SUGCT: variants seen among roughly 807,000 people sequenced by gnomAD.
SUGCT encodes the protein succinyl-CoA:glutarate-CoA transferase.
A neutral mutation model predicts 55.0 loss-of-function variants in SUGCT; 41 were observed. That is an observed-to-expected ratio of 0.74 (90% CI 0.58 to 0.97). The LOEUF is 0.97. SUGCT is among the 50% of genes least tolerant of loss of function. The probability of loss-of-function intolerance (pLI) is 0.00; values close to 1 mark genes in which losing one functional copy is unlikely to be tolerated. For synonymous variants in SUGCT, 187 were observed against 200.4 expected, an observed-to-expected ratio of 0.93 and a Z score of 0.56; for missense variants, 568 against 547.8, an observed-to-expected ratio of 1.04 and a Z score of -0.37.
chr7:40,534,293 ATTGATAGTGTTCAG>A (rs1794242581), intron 12 of SUGCT, among the ~76,000 whole-genome samples: 1 of 152,170 alleles, frequency 6.6e-6, no homozygotes, highest in South Asian at 2.1e-4. Context: ...CATTGATCTT[ATTGATAGTGTTCAG>A]TAAGAATTTG....
At chr7:40,142,938 T>G (rs1463888406) in intron 1 of SUGCT, among the ~76,000 whole-genome samples, 1 of 152,240 alleles carries the variant, frequency 6.6e-6, no homozygotes, top group Non-Finnish European at 1.5e-5. Flanking sequence ...AATCTACATT[T>G]TTATTAATTG....
At chr7:40,699,572 T>C (rs1440102187) in intron 12 of SUGCT, among the ~76,000 whole-genome samples, 1 of 152,140 alleles carries the variant, frequency 6.6e-6, no homozygotes, top group East Asian at 1.9e-4. Flanking sequence ...ATAAAGGGTG[T>C]TTAAATGCTG....
intron 9 of SUGCT, among the ~76,000 whole-genome samples, chr7:40,387,229 A>G (rs1785171922): frequency 6.6e-6 from 1 of 152,172 alleles, no homozygotes; most frequent in Non-Finnish European, 1.5e-5. Context: ...TTTGTAACTT[A>G]CCTTGCACCC....
intron 12 of SUGCT, among the ~76,000 whole-genome samples, chr7:40,703,715 C>T (rs1785269656): frequency 6.6e-6 from 1 of 152,184 alleles, no homozygotes; most frequent in African/African-American, 2.4e-5. Context: ...GGCATATATA[C>T]AAGACCTTCT....
At chr7:40,650,136 A>T (rs1800705525) in intron 12 of SUGCT, among the ~76,000 whole-genome samples, 1 of 152,188 alleles carries the variant, frequency 6.6e-6, no homozygotes, top group Non-Finnish European at 1.5e-5. Context: ...TCTTGGATGG[A>T]GGCCTCTCTC....
intron 9 of SUGCT, among the ~76,000 whole-genome samples, chr7:40,411,663 A>G (rs1786700501): frequency 1.3e-5 from 2 of 152,168 alleles, no homozygotes; most frequent in African/African-American, 2.4e-5. Context: ...AATGGGTACA[A>G]CTATACAGTT....
At chr7:40,737,747 G>GA (rs897022407) in intron 12 of SUGCT, among the ~76,000 whole-genome samples, 6 of 151,826 alleles carry the variant, frequency 4.0e-5, no homozygotes, top group African/African-American at 1.5e-4. Context: ...ACTTCTGGAG[G>GA]AAAAAAAATT....
chr7:40,952,715 C>T, the SUGCT span, among the ~76,000 whole-genome samples: 1 of 152,122 alleles, frequency 6.6e-6, no homozygotes, highest in African/African-American at 2.4e-5. Context: ...ACTTATGAAG[C>T]TTAGTTTGGC....
At chr7:40,910,383 A>G in the SUGCT span, among the ~76,000 whole-genome samples, 1 of 152,186 alleles carries the variant, frequency 6.6e-6, no homozygotes, top group Non-Finnish European at 1.5e-5. Context: ...GGTACTTGCT[A>G]TCTACAGGAA....
intron 12 of SUGCT, among the ~76,000 whole-genome samples, chr7:40,744,138 G>C (rs1787612231): frequency 6.6e-6 from 1 of 151,432 alleles, no homozygotes; most frequent in Non-Finnish European, 1.5e-5. Context: ...ATGTCGGCCA[G>C]GCTGGTCTTG....
At chr7:40,766,285 G>A (rs1428209113) in intron 13 of SUGCT, among the ~76,000 whole-genome samples, 2 of 152,042 alleles carry the variant, frequency 1.3e-5, no homozygotes, top group African/African-American at 2.4e-5. Context: ...ATCTCTGCTC[G>A]CTGGAACCTC....
At chr7:40,136,705 G>A (rs1301029852) in intron 1 of SUGCT, among the ~76,000 whole-genome samples, 1 of 152,196 alleles carries the variant, frequency 6.6e-6, no homozygotes, top group Non-Finnish European at 1.5e-5. Context: ...TGTCTTTAGT[G>A]TTTAACTTAA....
intron 11 of SUGCT, among the ~76,000 whole-genome samples, chr7:40,484,623 CCTAT>C (rs777891550): frequency 5.9e-5 from 9 of 152,162 alleles, no homozygotes; most frequent in Non-Finnish European, 1.3e-4. Context: ...CAGACATTGC[CCTAT>C]CTACTTCTCT....
At chr7:40,897,933 T>A in the SUGCT span, among the ~76,000 whole-genome samples, 2 of 152,152 alleles carry the variant, frequency 1.3e-5, no homozygotes, top group Admixed American at 6.5e-5. Context: ...ATCAGCGGGA[T>A]GTGGATGGGG....
chr7:40,572,867 G>A (rs1158145264), intron 12 of SUGCT, among the ~76,000 whole-genome samples: 4 of 152,038 alleles, frequency 2.6e-5, no homozygotes, highest in African/African-American at 9.7e-5. Context: ...ATCCATTGTG[G>A]CATCAAACTT....
intron 12 of SUGCT, among the ~76,000 whole-genome samples, chr7:40,512,853 A>C (rs1247573125): frequency 6.6e-6 from 1 of 152,142 alleles, no homozygotes; most frequent in African/African-American, 2.4e-5. Context: ...GGGGAATCTA[A>C]GAGTCAGTTT....
At chr7:40,837,195 A>G (rs1227082396) in intron 13 of SUGCT, among the ~76,000 whole-genome samples, 1 of 152,150 alleles carries the variant, frequency 6.6e-6, no homozygotes, top group Non-Finnish European at 1.5e-5. Flanking sequence ...CTAATATTGA[A>G]CGTCTTTATA....
chr7:40,662,320 C>G (rs1337864672), intron 12 of SUGCT, among the ~76,000 whole-genome samples: 1 of 152,236 alleles, frequency 6.6e-6, no homozygotes, highest in Non-Finnish European at 1.5e-5. Flanking sequence ...CTCGTCTCCT[C>G]ACATCCTCTG....
chr7:40,897,577 G>C, the SUGCT span, among the ~76,000 whole-genome samples: 1 of 152,136 alleles, frequency 6.6e-6, no homozygotes, highest in Non-Finnish European at 1.5e-5. Context: ...TGGCTGGGAA[G>C]AGTGAGTTGT....
Sources: allele counts gnomAD v4.1 joint callset (sites outside exome capture counted in the v4.1 genomes callset), GRCh38; gene constraint gnomAD v4.1.1; transcripts MANE v1.5; gene names NCBI Gene and HGNC (gene_info 2026-07-23, HGNC 2026-07-21).